CFAP77: variants seen among roughly 807,000 people sequenced by gnomAD.
CFAP77 encodes the protein cilia- and flagella-associated protein 77.
A neutral mutation model predicts 31.1 loss-of-function variants in CFAP77; 25 were observed. That is an observed-to-expected ratio of 0.80 (90% CI 0.59 to 1.12). The LOEUF is 1.12. Among genes scored for constraint, CFAP77 ranks in the 50% most tolerant of loss-of-function variants. The pLI, the probability that CFAP77 is intolerant of heterozygous loss-of-function variation, is 0.00. For synonymous variants in CFAP77, 151 were observed against 159.9 expected, an observed-to-expected ratio of 0.94 and a Z score of 0.42; for missense variants, 377 against 397.3, an observed-to-expected ratio of 0.95 and a Z score of 0.44.
intron 1 of CFAP77, among the ~76,000 whole-genome samples, chr9:132,441,774 G>A (rs1850619306): frequency 1.3e-5 from 2 of 152,210 alleles, no homozygotes; most frequent in South Asian, 4.1e-4. Flanking sequence ...TTCTTCAATG[G>A]CAAGGCTTGG....
chr9:132,503,553 GATTCTCAGGCT>G (rs1851888677), intron 3 of CFAP77, among the ~76,000 whole-genome samples: 1 of 152,134 alleles, frequency 6.6e-6, no homozygotes, highest in South Asian at 2.1e-4. Context: ...AGCACTCTGT[GATTCTCAGGCT>G]ATGTTTTGCC....
intron 5 of CFAP77, among the ~76,000 whole-genome samples, chr9:132,550,543 G>A (rs1306584596): frequency 3.2e-5 from 1 of 31,638 alleles, no homozygotes; most frequent in Non-Finnish European, 6.3e-5. Context: ...TTTTTTTTTT[G>A]AGACAGGGTC....
chr9:132,547,155 G>A (rs548032054), intron 5 of CFAP77, among the ~76,000 whole-genome samples: 4 of 152,342 alleles, frequency 2.6e-5, no homozygotes, highest in African/African-American at 9.6e-5. Flanking sequence ...TTGGCCGGGT[G>A]TTCTAGGTCT....
At position 132,480,753 on chromosome 9, in the gene CFAP77, G is replaced by A. The variant is rs896658691; in HGVS notation, c.196-17942G>A. Reference sequence around the variant, plus strand: ...CAGCTAGGAGTTAGCGGGGCCAGGCGCCGGTGAGGAGAGGGATGTGTCAGC... The same window carrying A: ...CAGCTAGGAGTTAGCGGGGCCAGGCACCGGTGAGGAGAGGGATGTGTCAGC... On this transcript the variant is annotated intron_variant, in intron 1 of 5. Coordinates refer to ENST00000393216, the MANE Select transcript of CFAP77 (RefSeq NM_001282957.2). The surrounding 1 kb of genome is among the most constrained non-coding windows in gnomAD (Gnocchi z 5.8). Among the ~76,000 whole-genome samples, 2 of 152,142 alleles carry A rather than the reference G, an allele frequency of 1.3e-5. No homozygotes were observed. Among genetic ancestry groups the A allele is most frequent in the African/African-American group, 2.4e-5 (1 of 41,418 alleles).
rs920270516 is a variant in CFAP77 at position 132,455,047 on chromosome 9, A to G, written c.196-43648A>G. ...AAGAAAAGGCAATAAATTAGCCTGC[A>G]CAAAGAACTCCAGTCCATGGGAAGG... On this transcript the variant is annotated intron_variant, in intron 1 of 5. Transcript: ENST00000393216. The surrounding 1 kb of genome is among the most constrained non-coding windows in gnomAD (Gnocchi z 4.1). Among the ~76,000 whole-genome samples, 1 of 152,246 alleles carries G rather than the reference A, an allele frequency of 6.6e-6. No individual in the cohort carries two copies. Among genetic ancestry groups the G allele is most frequent in the Non-Finnish European group, 1.5e-5 (1 of 68,038 alleles).
At chr9:132,523,039 C>T (rs1336921540) in intron 3 of CFAP77, among the ~76,000 whole-genome samples, 1 of 152,068 alleles carries the variant, frequency 6.6e-6, no homozygotes, top group African/African-American at 2.4e-5. Flanking sequence ...TTCTGCTCCC[C>T]TGCCTCGGGC....
chr9:132,516,205 T>A (rs1482033586), intron 3 of CFAP77, among the ~76,000 whole-genome samples: 3 of 152,156 alleles, frequency 2.0e-5, no homozygotes, highest in Non-Finnish European at 4.4e-5. Flanking sequence ...TTCTGATTTT[T>A]AAAAAAATAT....
intron 1 of CFAP77, among the ~76,000 whole-genome samples, chr9:132,470,453 G>C (rs1851235837): frequency 6.6e-6 from 1 of 152,210 alleles, no homozygotes; most frequent in Non-Finnish European, 1.5e-5. Context: ...CTACCGAGGT[G>C]GTGGTGACAG....
chr9:132,499,332 C>A lies in CFAP77; in HGVS notation c.296-40C>A. 1 of 1,592,774 alleles carries A rather than the reference C, an allele frequency of 6.3e-7. No individual in the cohort carries two copies. The highest frequency in any genetic ancestry group is 8.6e-7 in the Non-Finnish European group (1 of 1,163,406). ...TCAGCTGCCTCAGGGTGCTTACTCCCAGGCTGACCACTGCCCCGTGGGTCT... is the reference window on the plus strand; with the variant it reads ...TCAGCTGCCTCAGGGTGCTTACTCCAAGGCTGACCACTGCCCCGTGGGTCT... On this transcript the variant is annotated intron_variant, in intron 2 of 5. Transcript: ENST00000393216. This position sits in a 1 kb window ranked among gnomAD's most constrained non-coding sequence, Gnocchi z 5.4.
At chr9:132,478,860 C>T (rs1564219341) in intron 1 of CFAP77, among the ~76,000 whole-genome samples, 1 of 152,224 alleles carries the variant, frequency 6.6e-6, no homozygotes, top group African/African-American at 2.4e-5. Context: ...TGCAGCTTGT[C>T]ATTCATTACA....
intron 5 of CFAP77, among the ~76,000 whole-genome samples, chr9:132,561,897 C>T (rs759603768): frequency 3.9e-5 from 6 of 152,042 alleles, no homozygotes; most frequent in Non-Finnish European, 5.9e-5. Flanking sequence ...GCTTGTGGAC[C>T]AGAGCCATTC....
intron 5 of CFAP77, among the ~76,000 whole-genome samples, chr9:132,558,823 A>G (rs1852946060): frequency 1.7e-5 from 2 of 116,074 alleles, no homozygotes; most frequent in Admixed American, 1.5e-4. Context: ...GACCAGCCTG[A>G]CCAACGTGGT....
chr9:132,521,206 T>TGA (rs1331587079), intron 3 of CFAP77, among the ~76,000 whole-genome samples: 2 of 151,874 alleles, frequency 1.3e-5, no homozygotes, highest in African/African-American at 2.4e-5. Context: ...GATCTTCCCA[T>TGA]GAGAGAGAGA....
intron 4 of CFAP77, among the ~76,000 whole-genome samples, chr9:132,541,188 A>C (rs1436680824): frequency 2.0e-5 from 3 of 152,202 alleles, no homozygotes; most frequent in Non-Finnish European, 4.4e-5. Flanking sequence ...TGATGACCCC[A>C]GATGAAATTC....
At chr9:132,434,313 A>T (rs1315668015) in intron 1 of CFAP77, among the ~76,000 whole-genome samples, 1 of 152,068 alleles carries the variant, frequency 6.6e-6, no homozygotes, top group East Asian at 1.9e-4. Flanking sequence ...CATGTATATG[A>T]AAATGTCTGT....
chr9:132,509,646 G>A (rs1256195884), intron 3 of CFAP77, among the ~76,000 whole-genome samples: 3 of 152,198 alleles, frequency 2.0e-5, no homozygotes, highest in East Asian at 3.9e-4. Flanking sequence ...GTGGGTGCCT[G>A]TAATCCCAGC....
chr9:132,427,408 C>A (rs1015151291), intron 1 of CFAP77, among the ~76,000 whole-genome samples: 9 of 152,170 alleles, frequency 5.9e-5, no homozygotes, highest in African/African-American at 2.2e-4. Flanking sequence ...TCGGGTCTAG[C>A]GGCTTTGCCC....
At chr9:132,555,390 A>C (rs188014224) in intron 5 of CFAP77, among the ~76,000 whole-genome samples, 1 of 152,356 alleles carries the variant, frequency 6.6e-6, no homozygotes, top group East Asian at 1.9e-4. Flanking sequence ...CCCTGGCAGT[A>C]ACTCAGAAGT....
chr9:132,472,988 C>T (rs907121499), intron 1 of CFAP77, among the ~76,000 whole-genome samples: 5 of 152,066 alleles, frequency 3.3e-5, no homozygotes, highest in Admixed American at 6.6e-5. Flanking sequence ...CTGTACAAGA[C>T]GCATGGCACC....
Sources: gnomAD v4.1 joint callset for allele counts (sites outside exome capture counted in the v4.1 genomes callset) on GRCh38, gnomAD v4.1.1 for gene constraint, Gnocchi (gnomAD v3.1) non-coding constraint, MANE v1.5 for transcripts, NCBI Gene and HGNC (gene_info 2026-07-23, HGNC 2026-07-21) for gene names.